PRKG1: variants seen among roughly 807,000 people sequenced by gnomAD.
The protein encoded by PRKG1 is cGMP-dependent protein kinase 1.
Under a neutral mutation model 88.1 loss-of-function variants are expected in PRKG1, and 35 were observed. The observed-to-expected ratio is 0.40, with a 90% confidence interval of 0.30 to 0.53. The LOEUF (loss-of-function observed/expected upper bound fraction) is 0.53, where lower values mean the gene tolerates loss of function less well. Ranked by LOEUF, PRKG1 falls within the 20% of genes least tolerant of loss-of-function variation. The pLI, the probability that PRKG1 is intolerant of heterozygous loss-of-function variation, is 0.59. For synonymous variants in PRKG1, 303 were observed against 292.5 expected, an observed-to-expected ratio of 1.04 and a Z score of -0.37; for missense variants, 540 against 839.8, an observed-to-expected ratio of 0.64 and a Z score of 4.41.
At chr10:51,623,946 A>G (rs553044964) in intron 3 of PRKG1, among the ~76,000 whole-genome samples, 2 of 152,220 alleles carry the variant, frequency 1.3e-5, no homozygotes, top group South Asian at 4.1e-4. Context: ...CTCTCTAAAA[A>G]ATAGACCCCA....
intron 3 of PRKG1, among the ~76,000 whole-genome samples, chr10:51,721,734 T>A (rs558187695): frequency 6.7e-5 from 9 of 134,780 alleles, no homozygotes; most frequent in African/African-American, 2.4e-4. Context: ...TCATAACCAG[T>A]GGTATTTTCT....
intron 2 of PRKG1, among the ~76,000 whole-genome samples, chr10:51,298,739 G>A (rs982929754): frequency 1.3e-5 from 2 of 152,180 alleles, no homozygotes; most frequent in African/African-American, 4.8e-5. Flanking sequence ...TGTTAGGTTG[G>A]AGTATTTTAT....
At chr10:51,534,483 A>G (rs1264864502) in intron 3 of PRKG1, among the ~76,000 whole-genome samples, 3 of 151,956 alleles carry the variant, frequency 2.0e-5, no homozygotes, top group Non-Finnish European at 4.4e-5. Context: ...CCTGGCTAAC[A>G]TGGTGAAACC....
At chr10:51,012,233 G>A (rs896320265) in intron 1 of PRKG1, among the ~76,000 whole-genome samples, 3 of 152,192 alleles carry the variant, frequency 2.0e-5, no homozygotes, top group African/African-American at 7.2e-5. Flanking sequence ...GGGTAAGGAG[G>A]AGCTTTCTAG....
chr10:51,295,690 T>C (rs1564434144), intron 2 of PRKG1, among the ~76,000 whole-genome samples: 1 of 152,138 alleles, frequency 6.6e-6, no homozygotes, highest in Non-Finnish European at 1.5e-5. Context: ...CTAATTGTTC[T>C]GGCTAGGACT....
At chr10:51,037,271 G>T (rs1353338132) in intron 1 of PRKG1, among the ~76,000 whole-genome samples, 1 of 149,008 alleles carries the variant, frequency 6.7e-6, no homozygotes, top group African/African-American at 2.5e-5. Context: ...AACATAGCGA[G>T]ACCTCCCCGC....
At chr10:51,697,852 C>A in intron 3 of PRKG1, 1 of 1,614,072 alleles carries the variant, frequency 6.2e-7, no homozygotes, top group Non-Finnish European at 8.5e-7. Context: ...TGACCTGGCT[C>A]TGCCCAGGAC....
At chr10:51,944,054 G>T (rs1276599338) in intron 5 of PRKG1, among the ~76,000 whole-genome samples, 2 of 151,964 alleles carry the variant, frequency 1.3e-5, no homozygotes, top group East Asian at 3.9e-4. Context: ...TGTACCTCTG[G>T]TAGAATTCGG....
Position 52,158,745 on chromosome 10 carries a change from C to T in PRKG1, c.1002-3144C>T, listed in dbSNP as rs57255615. 9.7e-3 allele frequency among the ~76,000 whole-genome samples: 1,472 copies of T among 151,664 alleles called. 28 individuals carry two copies. The highest frequency in any genetic ancestry group is 0.034 in the African/African-American group (1,406 of 41,502). ...AATGTATTCTTTTGGCTAGGATCATCTTCTAAGTAAAGATTATTTATTAAG... is the reference window on the plus strand; with the variant it reads ...AATGTATTCTTTTGGCTAGGATCATTTTCTAAGTAAAGATTATTTATTAAG... On this transcript the variant is annotated intron_variant, in intron 8 of 17. Transcript: ENST00000373980.
intron 2 of PRKG1, among the ~76,000 whole-genome samples, chr10:51,187,393 T>C (rs1297094739): frequency 6.6e-6 from 1 of 151,994 alleles, no homozygotes; most frequent in Non-Finnish European, 1.5e-5. Context: ...CAAGAAAATA[T>C]AATTTTACTA....
Position 51,338,457 on chromosome 10 carries a change from G to T in PRKG1, c.479-129266G>T, listed in dbSNP as rs74973278. ...AAAAATAAGGGTTTCTAGGCTAGGG[G>T]TTAGCCACACTGAAACAGTCTGGTA... On this transcript the variant is annotated intron_variant, in intron 2 of 17. Transcript: ENST00000373980. 5.5e-4 allele frequency among the ~76,000 whole-genome samples: 84 copies of T among 152,168 alleles called. No individual in the cohort carries two copies. The East Asian group carries it at 0.014, about 25-fold the overall frequency.
chr10:51,572,807 A>C (rs1220946677), intron 3 of PRKG1, among the ~76,000 whole-genome samples: 2 of 151,788 alleles, frequency 1.3e-5, no homozygotes, highest in African/African-American at 4.8e-5. Context: ...CACCTACCCC[A>C]ATATTTTACG....
chr10:51,632,738 CAGT>C (rs1418358581), intron 3 of PRKG1, among the ~76,000 whole-genome samples: 1 of 152,138 alleles, frequency 6.6e-6, no homozygotes, highest in Non-Finnish European at 1.5e-5. Context: ...CAGTTGGGGC[CAGT>C]TGTTTTATGT....
intron 3 of PRKG1, among the ~76,000 whole-genome samples, chr10:51,595,934 G>T (rs1434550680): frequency 6.6e-6 from 1 of 152,100 alleles, no homozygotes; most frequent in South Asian, 2.1e-4. Flanking sequence ...GGATTCAAGC[G>T]ATTCTCCTGC....
At chr10:52,150,161 TA>T (rs778592232) in intron 8 of PRKG1, among the ~76,000 whole-genome samples, 12 of 89,114 alleles carry the variant, frequency 1.3e-4, no homozygotes, top group East Asian at 2.7e-4. Flanking sequence ...ATAATAATAA[TA>T]ATAATAATAA....
chr10:51,159,238 G>A (rs916213430), intron 2 of PRKG1, among the ~76,000 whole-genome samples: 3 of 152,036 alleles, frequency 2.0e-5, no homozygotes, highest in Admixed American at 6.6e-5. Context: ...TGAGCCTTTC[G>A]ATGTCAGATG....
intron 2 of PRKG1, among the ~76,000 whole-genome samples, chr10:51,398,496 C>A (rs1281158645): frequency 6.6e-6 from 1 of 152,050 alleles, no homozygotes; most frequent in Non-Finnish European, 1.5e-5. Context: ...CCTTAAGGAA[C>A]CAAGAACAAA....
At chr10:51,846,467 T>G (rs1564672632) in intron 4 of PRKG1, among the ~76,000 whole-genome samples, 1 of 152,094 alleles carries the variant, frequency 6.6e-6, no homozygotes, top group Non-Finnish European at 1.5e-5. Context: ...AAAATGGTAA[T>G]AGGACAGTGG....
chr10:52,137,150 T>C (rs1330496582), intron 8 of PRKG1, among the ~76,000 whole-genome samples: 1 of 152,054 alleles, frequency 6.6e-6, no homozygotes, highest in African/African-American at 2.4e-5. Flanking sequence ...ACAAGCGAGG[T>C]ACCATGTTCC....
Sources: allele counts gnomAD v4.1 joint callset (sites outside exome capture counted in the v4.1 genomes callset), GRCh38; gene constraint gnomAD v4.1.1; transcripts MANE v1.5; gene names NCBI Gene and HGNC (gene_info 2026-07-23, HGNC 2026-07-21).